The following DNASE1 variants were observed in gnomAD, a reference collection of about 807,000 sequenced individuals.
DNASE1 encodes deoxyribonuclease 1.
Under a neutral mutation model 33.9 loss-of-function variants are expected in DNASE1, and 40 were observed. The observed-to-expected ratio is 1.18, with a 90% confidence interval of 0.92 to 1.54. DNASE1 has a LOEUF of 1.54. Among genes scored for constraint, DNASE1 ranks in the 40% most tolerant of loss-of-function variants. The pLI is 0.00. For missense variants in DNASE1, 518 were observed against 372.6 expected, an observed-to-expected ratio of 1.39 and a Z score of -3.21; for synonymous variants, 216 against 160.0, an observed-to-expected ratio of 1.35 and a Z score of -2.64.
intron 1 of DNASE1, among the ~76,000 whole-genome samples, chr16:3,612,934 T>A (rs1181978333): frequency 1.3e-5 from 2 of 152,042 alleles, no homozygotes; most frequent in East Asian, 3.9e-4. Flanking sequence ...ACTGAAATAA[T>A]GAACACAGGA....
chr16:3,663,816 G>A, exon 10 of DNASE1: 1 of 497,346 alleles, frequency 2.0e-6, no homozygotes, highest in East Asian at 3.5e-5. Context: ...GCTCACGCCT[G>A]TAATCCCAGC....
chr16:3,618,085 C>CAAAA (rs71392849), intron 1 of DNASE1, among the ~76,000 whole-genome samples: 1 of 104,192 alleles, frequency 9.6e-6, no homozygotes, highest in Non-Finnish European at 2.1e-5. Context: ...AAGCCAAGAC[C>CAAAA]AAAAAAAAAA....
upstream of DNASE1, among the ~76,000 whole-genome samples, chr16:3,640,251 C>G (rs372000880): frequency 3.3e-3 from 508 of 152,278 alleles, 4 homozygotes; most frequent in African/African-American, 0.012. Flanking sequence ...AGGCACAGAT[C>G]TGTTTTCAGC....
chr16:3,662,205 G>C, downstream of DNASE1: 1 of 1,548,658 alleles, frequency 6.5e-7, no homozygotes, highest in South Asian at 1.2e-5. Context: ...CTTACCAGGG[G>C]TGAAGGTCAC....
At chr16:3,661,988 T>C (rs1367982301), downstream of DNASE1, 1 of 1,604,288 alleles carries the variant, frequency 6.2e-7, no homozygotes, top group South Asian at 1.1e-5. Context: ...TGGCCTCACC[T>C]GGGGTTGATC....
chr16:3,649,095 T>G (rs1026805410), intron 1 of DNASE1, among the ~76,000 whole-genome samples: 3 of 152,348 alleles, frequency 2.0e-5, no homozygotes, highest in East Asian at 1.9e-4. Context: ...AGATTCAAGA[T>G]TGTTTTGGCA....
At position 3,645,496 on chromosome 16, in the gene DNASE1, G is replaced by C. The variant is rs564511131; in HGVS notation, c.-86+2460G>C. 2.0e-5 allele frequency among the ~76,000 whole-genome samples: 3 copies of C among 152,332 alleles called. No individual in the cohort carries two copies. The East Asian group carries it at 5.8e-4, about 29-fold the overall frequency. The stretch of plus-strand genomic sequence containing the variant: ...TGCTAACCTCCCTGGTGAGAAAGTG[G>C]CTTTTTAGACAAACTTCTTTTCATT... On this transcript the variant is annotated intron_variant, in intron 1 of 9. Transcript: ENST00000407479.
chr16:3,648,928 CTCT>C lies in DNASE1; in HGVS notation c.-86+5900_-86+5902del, dbSNP rs575588538. On this transcript the variant is annotated intron_variant, in intron 1 of 9. Transcript: ENST00000407479. The stretch of plus-strand genomic sequence containing the variant: ...TTTTTTTAACCTATGAGTTCTGCCT[CTCT>C]TCTTCTTTTCATTTTGAAATCTATT... Among the ~76,000 whole-genome samples, 13 of 152,252 alleles carry C rather than the reference CTCT, an allele frequency of 8.5e-5. No homozygotes were observed. The South Asian group carries it at 1.0e-3, about 12-fold the overall frequency.
intron 1 of DNASE1, among the ~76,000 whole-genome samples, chr16:3,648,601 GAA>G (rs2042242094): frequency 6.6e-6 from 1 of 151,920 alleles, no homozygotes; most frequent in African/African-American, 2.4e-5. Flanking sequence ...AGCCTAGAAA[GAA>G]AAGCCACTGC....
upstream of DNASE1, among the ~76,000 whole-genome samples, chr16:3,642,683 T>C (rs2042058501): frequency 2.6e-5 from 4 of 152,006 alleles, no homozygotes; most frequent in Admixed American, 2.6e-4. Context: ...AATAGAGGAA[T>C]GAGGATGCAG....
At chr16:3,624,444 C>T (rs112616886) in intron 1 of DNASE1, among the ~76,000 whole-genome samples, 48 of 152,260 alleles carry the variant, frequency 3.2e-4, no homozygotes, top group African/African-American at 1.0e-3. Context: ...ACTGGGTTAG[C>T]GTCCCTTATG....
chr16:3,630,173 T>G (rs779353403), intron 1 of DNASE1, among the ~76,000 whole-genome samples: 9 of 152,026 alleles, frequency 5.9e-5, no homozygotes, highest in Non-Finnish European at 1.2e-4. Flanking sequence ...GTTTTGTTTT[T>G]TGTTGTTTTT....
intron 1 of DNASE1, among the ~76,000 whole-genome samples, chr16:3,627,385 C>T (rs988137362): frequency 6.6e-6 from 1 of 151,946 alleles, no homozygotes; most frequent in Non-Finnish European, 1.5e-5. Context: ...GCCATCCTCC[C>T]ACCTAAGCCT....
downstream of DNASE1, chr16:3,661,659 A>G (rs953188498): frequency 3.5e-6 from 1 of 282,586 alleles, no homozygotes; most frequent in Non-Finnish European, 6.6e-6. Context: ...ACTTCAGCAA[A>G]CACCAAGATC....
At chr16:3,659,203 T>C, downstream of DNASE1, 2 of 229,466 alleles carry the variant, frequency 8.7e-6, no homozygotes, top group Admixed American at 5.7e-5. Flanking sequence ...TTGAAACATA[T>C]TATAGGGCTC....
At position 3,631,586 on chromosome 16, in the gene DNASE1, A is replaced by G. The variant is rs1450803806; in HGVS notation, c.-1358-9129A>G. ...GTTGCCCAGGCTGGAGTGCAGTGGC[A>G]TGATCTCAGGTCACTGCAACCTCTA... On this transcript the variant is annotated intron_variant and NMD_transcript_variant, in intron 1 of 11. Transcript: ENST00000570769. Among the ~76,000 whole-genome samples the G allele has an allele frequency of 3.3e-5, 5 of 151,754 alleles. No individual in the cohort carries two copies. In the East Asian group the frequency reaches 9.8e-4, roughly 30 times the overall value.
chr16:3,632,586 C>CT (rs554432843), intron 1 of DNASE1, among the ~76,000 whole-genome samples: 8,525 of 141,234 alleles, frequency 0.06, 260 homozygotes, highest in Admixed American at 0.075. Context: ...TTTTTTCTCT[C>CT]TTTTTTTTTT....
chr16:3,618,241 GC>G (rs1483778736), intron 1 of DNASE1, among the ~76,000 whole-genome samples: 1 of 148,118 alleles, frequency 6.8e-6, no homozygotes, highest in East Asian at 2.0e-4. Flanking sequence ...CAGTAGGACA[GC>G]CATTTCCTAA....
downstream of DNASE1, chr16:3,658,433 T>A: frequency 1.7e-6 from 1 of 601,264 alleles, no homozygotes; most frequent in Non-Finnish European, 2.9e-6. Flanking sequence ...TTTCCGTTTT[T>A]AAAACAGAAT....
Sources: gnomAD v4.1 joint callset for allele counts (sites outside exome capture counted in the v4.1 genomes callset) on GRCh38, gnomAD v4.1.1 for gene constraint, MANE v1.5 for transcripts, NCBI Gene and HGNC (gene_info 2026-07-23, HGNC 2026-07-21) for gene names.